The following PIN4 variants were observed in gnomAD, a reference collection of about 807,000 sequenced individuals.
The protein encoded by PIN4 is peptidylprolyl cis/trans isomerase, NIMA-interacting 4.
PIN4 carries 3 observed loss-of-function variants against 8.3 expected under a neutral mutation model. The observed-to-expected ratio is 0.36, with a 90% CI of 0.16 to 0.93. The LOEUF is 0.93. Among genes scored for constraint, PIN4 ranks in the 40% least tolerant of loss-of-function variants. The pLI, the probability that PIN4 is intolerant of heterozygous loss-of-function variation, is 0.44. For synonymous variants in PIN4, 18 were observed against 32.5 expected (o/e 0.55, Z 1.52); for missense variants, 75 against 100.6 (o/e 0.75, Z 1.09).
chrX:72,186,562 G>C, intron 2 of PIN4, 28 bp downstream of exon 2: 1 of 1,002,641 alleles, frequency 1.0e-6, no homozygotes, highest in South Asian at 2.0e-5. Context: ...TTTTTTCCAT[G>C]TTAAATATAA....
chrX:72,189,762 G>C (rs1218473217), intron 2 of PIN4, among the ~76,000 whole-genome samples: 1 of 111,517 alleles, frequency 9.0e-6, no homozygotes, highest in Non-Finnish European at 1.9e-5. Context: ...AAGCATTTTG[G>C]ATAAATGATA....
At chrX:72,262,314 A>G (rs1166577763) in intron 3 of PIN4, among the ~76,000 whole-genome samples, 2 of 111,944 alleles carry the variant, frequency 1.8e-5, no homozygotes, top group Non-Finnish European at 1.9e-5. Flanking sequence ...CCCCATGACA[A>G]TCTGCCCCCT....
chrX:72,260,228 C>T (rs1382876382), intron 3 of PIN4, among the ~76,000 whole-genome samples: 2 of 112,368 alleles, frequency 1.8e-5, no homozygotes, highest in Non-Finnish European at 3.8e-5. Flanking sequence ...TGCAAAGATA[C>T]GAGAGTGCTC....
chrX:72,184,995 T>A (rs1385567269), intron 1 of PIN4, among the ~76,000 whole-genome samples: 1 of 107,634 alleles, frequency 9.3e-6, no homozygotes, highest in Non-Finnish European at 1.9e-5. Context: ...ACAAAAAAAA[T>A]TAGCGGGGCG....
At chrX:72,218,742 G>A (rs2042902283) in intron 3 of PIN4, among the ~76,000 whole-genome samples, 1 of 111,638 alleles carries the variant, frequency 9.0e-6, no homozygotes, top group East Asian at 2.8e-4. Flanking sequence ...AAAGCCAGCT[G>A]AGATTTTCTT....
At position 72,186,467 on chromosome X, in the gene PIN4, C is replaced by T. The variant is rs371226434; in HGVS notation, c.50C>T (p.Ala17Val). 5.0e-6 allele frequency: 6 copies of T among 1,189,875 alleles called. No homozygotes were observed. In the African/African-American group the frequency reaches 1.1e-4, roughly 21 times the overall value. ...SGSGKAGKGG[A>V]ASGSDSADKK... ...TGTCATCTCTTCTCTAAAGGGGGAG[C>T]AGCCTCTGGGAGTGACAGTGCTGAC... Residue 17 changes from alanine to valine, a missense_variant, in exon 2 of 4, where the codon GCA becomes GTA. By Grantham distance (64) the Ala-to-Val change is moderately conservative. Coordinates refer to ENST00000373669, the MANE Select transcript of PIN4 (RefSeq NM_006223.4).
At chrX:72,215,513 T>C (rs1240275877) in intron 3 of PIN4, among the ~76,000 whole-genome samples, 1 of 111,753 alleles carries the variant, frequency 8.9e-6, no homozygotes, top group East Asian at 2.8e-4. Flanking sequence ...GATGGATTGA[T>C]GGAATAGATG....
At chrX:72,196,965 A>G in intron 3 of PIN4, 61 bp downstream of exon 3, 1 of 969,182 alleles carries the variant, frequency 1.0e-6, no homozygotes, top group Non-Finnish European at 1.4e-6. Context: ...TAAAAATGAC[A>G]AATAATAAAA....
At chrX:72,210,086 C>A (rs745770776) in intron 3 of PIN4, among the ~76,000 whole-genome samples, 1 of 108,419 alleles carries the variant, frequency 9.2e-6, no homozygotes, top group Non-Finnish European at 1.9e-5. Flanking sequence ...TATACAGGGC[C>A]GGGTGCGGTG....
At chrX:72,232,072 C>G (rs1185761844) in intron 3 of PIN4, among the ~76,000 whole-genome samples, 2 of 109,109 alleles carry the variant, frequency 1.8e-5, no homozygotes, top group African/African-American at 6.7e-5. Flanking sequence ...GAGCGAGACC[C>G]TGTCTCTAAA....
intron 2 of PIN4, 23 bp from the exon 3 acceptor site, chrX:72,196,762 A>G: frequency 8.4e-7 from 1 of 1,193,245 alleles, no homozygotes. Flanking sequence ...CAAGTATTAC[A>G]TGAATGTACT....
At chrX:72,247,701 A>G in intron 3 of PIN4, among the ~76,000 whole-genome samples, 1 of 112,716 alleles carries the variant, frequency 8.9e-6, no homozygotes, top group East Asian at 2.8e-4. Flanking sequence ...CAGCCCTTCA[A>G]AGGTCTTGGC....
At chrX:72,222,530 GC>G (rs1424427577) in intron 3 of PIN4, among the ~76,000 whole-genome samples, 1 of 109,761 alleles carries the variant, frequency 9.1e-6, no homozygotes, top group Non-Finnish European at 1.9e-5. Flanking sequence ...GAACAAAAAT[GC>G]CCATAAGGCA....
At chrX:72,182,933 A>G (rs1439526456) in intron 1 of PIN4, among the ~76,000 whole-genome samples, 1 of 112,126 alleles carries the variant, frequency 8.9e-6, no homozygotes, top group Non-Finnish European at 1.9e-5. Context: ...GCTAAGAAGG[A>G]CAGTTAAGGA....
intron 3 of PIN4, among the ~76,000 whole-genome samples, chrX:72,240,484 T>C: frequency 8.9e-6 from 1 of 111,887 alleles, no homozygotes; most frequent in East Asian, 2.8e-4. Context: ...AAGCTTTTCA[T>C]AAAATTTATA....
intron 3 of PIN4, among the ~76,000 whole-genome samples, chrX:72,216,930 T>A (rs1194021040): frequency 1.8e-5 from 2 of 112,419 alleles, no homozygotes; most frequent in Non-Finnish European, 3.8e-5. Flanking sequence ...AGTCAGGATG[T>A]TAGCCACCAA....
chrX:72,200,058 C>G (rs1420028445), downstream of PIN4, among the ~76,000 whole-genome samples: 1 of 107,875 alleles, frequency 9.3e-6, no homozygotes, highest in African/African-American at 3.4e-5. Context: ...CCCAACTACT[C>G]GGGAGGCTGA....
rs1484749585 is a variant in PIN4, at chrX:72,261,312, A to G, written c.313-1395A>G. Among the ~76,000 whole-genome samples, 10 of 109,019 alleles carry G rather than the reference A, an allele frequency of 9.2e-5. No individual in the cohort carries two copies. The South Asian group carries it at 2.4e-3, about 26-fold the overall frequency. 94.7% of individuals were successfully genotyped at this position (109,019 alleles called of 115,157 possible). On this transcript the variant is annotated intron_variant, in intron 3 of 3. Transcript: ENST00000423432. ...TCCGTCTCAGAAAAAAAAAAAAAAA[A>G]AAACCAAAATCTGGGTGTCGACCCC...
At chrX:72,223,370 C>T (rs1311230426) in intron 3 of PIN4, among the ~76,000 whole-genome samples, 1 of 104,790 alleles carries the variant, frequency 9.5e-6, no homozygotes, top group Non-Finnish European at 2.0e-5. Context: ...GAGGAAGGTC[C>T]CCAAACATCT....
Sources: allele counts gnomAD v4.1 joint callset (sites outside exome capture counted in the v4.1 genomes callset), GRCh38; gene constraint gnomAD v4.1.1; transcripts MANE v1.5; gene names NCBI Gene and HGNC (gene_info 2026-07-23, HGNC 2026-07-21).